WDR12: variants seen among roughly 807,000 people sequenced by gnomAD.
WDR12 encodes the protein WD repeat domain 12.
WDR12 carries 42 observed loss-of-function variants against 64.3 expected under a neutral mutation model. The observed-to-expected ratio is 0.65, with a 90% CI of 0.51 to 0.84. The LOEUF (loss-of-function observed/expected upper bound fraction) is 0.84. Among genes scored for constraint, WDR12 ranks in the 40% least tolerant of loss-of-function variants. The pLI, the probability that WDR12 is intolerant of heterozygous loss-of-function variation, is 0.00. For missense variants in WDR12, 469 were observed against 494.6 expected (o/e 0.95, Z 0.49); for synonymous variants, 158 against 173.3 (o/e 0.91, Z 0.70).
At chr2:202,889,370 C>A (rs1318222712) in intron 8 of WDR12, among the ~76,000 whole-genome samples, 4 of 151,828 alleles carry the variant, frequency 2.6e-5, no homozygotes, top group African/African-American at 9.7e-5. Flanking sequence ...AAAACAACAA[C>A]AACAAAAAAA....
At chr2:202,897,472 T>C in intron 4 of WDR12, 57 bp from the exon 5 acceptor site, 1 of 954,692 alleles carries the variant, frequency 1.0e-6, no homozygotes, top group Non-Finnish European at 1.6e-6. Flanking sequence ...AACCCTGAAA[T>C]GTTTCTTTGG....
Position 202,911,462 on chromosome 2 carries a change from T to C in WDR12, c.15A>G (p.Gln5=). The C allele has an allele frequency of 1.2e-6, 2 of 1,614,070 alleles. No homozygotes were observed. Among genetic ancestry groups the C allele is most frequent in the East Asian group, 2.2e-5 (1 of 44,874 alleles). Residue 5 remains glutamine (Q), a synonymous_variant, in exon 1 of 13, where the codon CAA becomes CAG. Coordinates refer to ENST00000261015, the MANE Select transcript of WDR12 (RefSeq NM_018256.4). ...TCTTGTTATCAGTGTAGAAGCGTGT[T>C]TGGAGCTGAGCCATGGCGAGGAGTA... The part of the protein sequence containing the change: MAQL[Q]TRFYTDNKKY...
rs1688083238 is a variant in WDR12 at position 202,888,040 on chromosome 2, T to C, written c.742-3505A>G. ...ACCTAAATACAAATGTTGATAGTTT[T>C]ACTTATAACTGCCAAACTGGAAACA... is the stretch of plus-strand genomic sequence containing the variant. On this transcript the variant is annotated intron_variant, in intron 8 of 12. Coordinates refer to ENST00000261015, the MANE Select transcript of WDR12 (RefSeq NM_018256.4). Among the ~76,000 whole-genome samples, 3 of 152,342 alleles carry C rather than the reference T, an allele frequency of 2.0e-5. No homozygotes were observed. In the South Asian group the frequency reaches 6.2e-4, roughly 32 times the overall value.
chr2:202,880,417 G>A lies in WDR12; in HGVS notation c.*443C>T, dbSNP rs1312756811. 6.5e-6 allele frequency: 1 copy of A among 152,874 alleles called. No homozygotes were observed. Among genetic ancestry groups the A allele is most frequent in the Non-Finnish European group, 1.5e-5 (1 of 68,694 alleles). The allele number at this position is 152,874 out of a possible 1,614,324, so 9.5% of individuals were successfully genotyped here. On this transcript the variant is annotated 3_prime_UTR_variant, in exon 13 of 13. Transcript: ENST00000261015. ...ACAAAAATTAGCAGGACATCGTGAT[G>A]TGTGCCTGTAATCCCAGCTACTTGG...
intron 6 of WDR12, 83 bp downstream of exon 6, chr2:202,895,982 A>G (rs1688234943): frequency 6.7e-7 from 1 of 1,489,168 alleles, no homozygotes; most frequent in Non-Finnish European, 9.1e-7. Context: ...AGGCCAACAC[A>G]ATGAATATAT....
chr2:202,897,324 T>C lies in WDR12; in HGVS notation c.430A>G (p.Lys144Glu), dbSNP rs763238217. ...MTIVGHTDVV[K>E]DVAWVKKDSL... is the part of the protein sequence containing the mutation. The stretch of plus-strand genomic sequence containing the variant: ...CCTTTTTTCACCCAGGCCACATCTT[T>C]TACAACATCCGTATGTCCCACAATT... The change falls in exon 5 of 13, where the codon AAA becomes GAA. Residue 144 changes from lysine to glutamate, a missense_variant. Transcript: ENST00000261015. 1.6e-5 allele frequency: 26 copies of C among 1,600,952 alleles called. No individual in the cohort carries two copies. Among genetic ancestry groups the C allele is most frequent in the Non-Finnish European group, 2.1e-5 (25 of 1,174,928 alleles).
At position 202,899,613 on chromosome 2, in the gene WDR12, C is replaced by T. The variant is rs757048781; in HGVS notation, c.256G>A (p.Val86Met). The T allele has an allele frequency of 1.9e-5, 30 of 1,613,836 alleles. No individual in the cohort carries two copies. Among genetic ancestry groups the T allele is most frequent in the East Asian group, 8.9e-5 (4 of 44,884 alleles). The change falls in exon 4 of 13, where the codon GTG becomes ATG. Residue 86 changes from valine to methionine, a missense_variant. Physicochemically the swap from Val to Met is conservative, Grantham distance 21. Transcript: ENST00000261015. ...GGCTGGGGTGCAGTATACTTCTCCA[C>T]GTATTCTATTTCCACAACTTCTTCC... ...SSEEVVEIEYVEKYTAPQPEQ... is the reference protein window; with the variant it reads ...SSEEVVEIEYMEKYTAPQPEQ...
In WDR12 at chr2:202,884,313, AAAAGG is replaced by A. The variant is rs779841127; in HGVS notation, c.883-15_883-11del. 1.9e-6 allele frequency: 3 copies of A among 1,613,854 alleles called. No individual in the cohort carries two copies. The highest frequency in any genetic ancestry group is 1.7e-4 in the Middle Eastern group (1 of 6,050). On this transcript the variant is annotated splice_polypyrimidine_tract_variant and intron_variant, in intron 9 of 12. Coordinates refer to ENST00000261015, the MANE Select transcript of WDR12 (RefSeq NM_018256.4). Reference sequence around the variant, plus strand: ...ACACTTTATTTCCTGTCTGAAAAAGAAAAGGAAAGAACATTAACCATGGTAGACTA... The same window carrying A: ...ACACTTTATTTCCTGTCTGAAAAAGAAAAGAACATTAACCATGGTAGACTA...
Position 202,896,133 on chromosome 2 carries a change from C to T in WDR12, c.541G>A (p.Ala181Thr). 1 of 1,614,082 alleles carries T rather than the reference C, an allele frequency of 6.2e-7. No individual in the cohort carries two copies. Among genetic ancestry groups the T allele is most frequent in the Non-Finnish European group, 8.5e-7 (1 of 1,179,992 alleles). Residue 181 changes from alanine (A) to threonine (T), a missense_variant, in exon 6 of 13, where the codon GCC becomes ACC. Transcript: ENST00000261015. Reference sequence around the variant, plus strand: ...GCATGACCTCTACAGCAGTGTAGGGCTTTCACTTTGTTTCTCTCTACATTC... The same window carrying T: ...GCATGACCTCTACAGCAGTGTAGGGTTTTCACTTTGTTTCTCTCTACATTC... ...EWNVERNKVK[A>T]LHCCRGHAGS... is the part of the protein sequence containing the mutation.
rs1417251110 is a variant in WDR12, at chr2:202,878,131, G to A, written c.*2729C>T. 1.3e-5 allele frequency: 2 copies of A among 152,200 alleles called. No individual in the cohort carries two copies. Among genetic ancestry groups the A allele is most frequent in the African/African-American group, 4.8e-5 (2 of 41,410 alleles). The allele number at this position is 152,200 out of a possible 1,614,324, so 9.4% of individuals were successfully genotyped here. On this transcript the variant is annotated 3_prime_UTR_variant, in exon 13 of 13. Transcript: ENST00000261015. ...ATATCTATCTCAAGGAAGAATGCCT[G>A]AACTATGAATGTATTCTGCTGTGGA...
chr2:202,907,947 A>T lies in WDR12; in HGVS notation c.54T>A (p.Asp18Glu). Reference sequence around the variant, plus strand: ...CAGCAGGGATTGAGAAGGGAACATCATCTACGGCATATCTATAAAAAGGAA... The same window carrying T: ...CAGCAGGGATTGAGAAGGGAACATCTTCTACGGCATATCTATAAAAAGGAA... The part of the protein sequence containing the change: ...FYTDNKKYAV[D>E]DVPFSIPAAS... The change falls in exon 2 of 13, where the codon GAT becomes GAA. Residue 18 changes from aspartate (D) to glutamate (E), a missense_variant. Physicochemically the swap from Asp to Glu is conservative, Grantham distance 45. Coordinates refer to ENST00000261015, the MANE Select transcript of WDR12 (RefSeq NM_018256.4). 1.9e-6 allele frequency: 3 copies of T among 1,614,028 alleles called. No homozygotes were observed. In the South Asian group the frequency reaches 3.3e-5, roughly 18 times the overall value.
chr2:202,909,066 T>G (rs1488086601), intron 1 of WDR12, among the ~76,000 whole-genome samples: 1 of 152,174 alleles, frequency 6.6e-6, no homozygotes, highest in Non-Finnish European at 1.5e-5. Context: ...ATGGAGCAAT[T>G]GGAACCCTGA....
At chr2:202,901,346 A>G (rs1688345753) in intron 2 of WDR12, among the ~76,000 whole-genome samples, 1 of 152,206 alleles carries the variant, frequency 6.6e-6, no homozygotes, top group African/African-American at 2.4e-5. Context: ...AAACATACAC[A>G]AAAGTAGAAA....
intron 12 of WDR12, among the ~76,000 whole-genome samples, chr2:202,882,001 T>A (rs1382847687): frequency 6.6e-6 from 1 of 152,120 alleles, no homozygotes; most frequent in Non-Finnish European, 1.5e-5. Flanking sequence ...AGTGGCGCGA[T>A]CATAGTTCAT....
At chr2:202,900,927 G>C in intron 3 of WDR12, 98 bp downstream of exon 3, 1 of 905,014 alleles carries the variant, frequency 1.1e-6, no homozygotes, top group Non-Finnish European at 1.6e-6. Context: ...AAGAATCTTT[G>C]CTACTAAAGA....
chr2:202,909,401 T>C (rs1357638233), intron 1 of WDR12, among the ~76,000 whole-genome samples: 1 of 152,170 alleles, frequency 6.6e-6, no homozygotes, highest in Admixed American at 6.6e-5. Context: ...AACCATTTTT[T>C]AAAAATCATA....
chr2:202,895,927 T>C, intron 6 of WDR12, 138 bp downstream of exon 6: 3 of 959,628 alleles, frequency 3.1e-6, no homozygotes, highest in East Asian at 2.5e-5. Context: ...GAGTATTTAC[T>C]CTTGCTTTGA....
chr2:202,899,227 G>A (rs1327104386), intron 4 of WDR12, among the ~76,000 whole-genome samples: 1 of 151,628 alleles, frequency 6.6e-6, no homozygotes, highest in African/African-American at 2.4e-5. Flanking sequence ...TACTTTTTTA[G>A]TAGAGACAGG....
chr2:202,894,341 C>T (rs1031950983), intron 7 of WDR12, among the ~76,000 whole-genome samples: 4 of 152,034 alleles, frequency 2.6e-5, no homozygotes, highest in Non-Finnish European at 5.9e-5. Flanking sequence ...CTCAGCCTCC[C>T]AAGGAGCTAG....
Sources: gnomAD v4.1 joint callset for allele counts (sites outside exome capture counted in the v4.1 genomes callset) on GRCh38, gnomAD v4.1.1 for gene constraint, MANE v1.5 for transcripts, NCBI Gene and HGNC (gene_info 2026-07-23, HGNC 2026-07-21) for gene names.